The following TMTC2 variants were observed in gnomAD, a reference collection of about 807,000 sequenced individuals.
TMTC2 encodes protein O-mannosyl-transferase TMTC2.
A neutral mutation model predicts 82.4 loss-of-function variants in TMTC2; 43 were observed. That is an observed-to-expected ratio of 0.52 (90% CI 0.41 to 0.67). The LOEUF (loss-of-function observed/expected upper bound fraction) is 0.67, where lower values mean the gene tolerates loss of function less well. TMTC2 is among the 30% of genes least tolerant of loss of function. The probability of loss-of-function intolerance (pLI) is 0.00; values close to 1 mark genes in which losing one functional copy is unlikely to be tolerated. For synonymous variants in TMTC2, 408 were observed against 381.9 expected, an observed-to-expected ratio of 1.07 and a Z score of -0.80; for missense variants, 919 against 1,012.4, an observed-to-expected ratio of 0.91 and a Z score of 1.25.
intron 11 of TMTC2, among the ~76,000 whole-genome samples, chr12:83,100,667 G>A (rs10506890): frequency 0.26 from 39,702 of 151,644 alleles, 6,496 homozygotes; most frequent in South Asian, 0.38. Flanking sequence ...TCTGATCAAC[G>A]TAAAATTAGG....
intron 1 of TMTC2, among the ~76,000 whole-genome samples, chr12:82,789,884 C>G (rs1042627121): frequency 2.0e-5 from 3 of 152,112 alleles, no homozygotes; most frequent in African/African-American, 7.2e-5. Context: ...TTAATGTTAT[C>G]TTTCATTTTA....
intron 1 of TMTC2, among the ~76,000 whole-genome samples, chr12:82,796,964 A>T (rs1234497275): frequency 6.6e-6 from 1 of 152,194 alleles, no homozygotes; most frequent in African/African-American, 2.4e-5. Context: ...AGCTCAAAAT[A>T]AAAGTTGGCT....
Position 83,121,412 on chromosome 12 carries a change from T to C in TMTC2, c.2332-10798T>C, listed in dbSNP as rs576038866. 1.1e-3 allele frequency among the ~76,000 whole-genome samples: 166 copies of C among 152,224 alleles called. 1 individual carries two copies. The highest frequency in any genetic ancestry group is 1.8e-3 in the Non-Finnish European group (121 of 68,004). On this transcript the variant is annotated intron_variant, in intron 11 of 11. Transcript: ENST00000321196. ...CTTCCTGTGAGCCAAGCTGTAGTGATTGTTACCTCTTTTCTGGATCTAGCC... is the reference window on the plus strand; with the variant it reads ...CTTCCTGTGAGCCAAGCTGTAGTGACTGTTACCTCTTTTCTGGATCTAGCC...
chr12:83,002,083 T>C (rs1879953064), intron 8 of TMTC2, among the ~76,000 whole-genome samples: 1 of 152,178 alleles, frequency 6.6e-6, no homozygotes, highest in Admixed American at 6.5e-5. Context: ...TCCAACAGAA[T>C]TGTCTGTGAA....
intron 4 of TMTC2, among the ~76,000 whole-genome samples, chr12:82,934,899 T>TA (rs1349706684): frequency 6.6e-6 from 1 of 152,210 alleles, no homozygotes; most frequent in Non-Finnish European, 1.5e-5. Flanking sequence ...CCTGACTTTT[T>TA]AATGATCGTC....
In TMTC2 at chr12:82,896,419, T is replaced by C. The variant is rs771410928; in HGVS notation, c.1256T>C (p.Ile419Thr). Residue 419 changes from isoleucine (I) to threonine (T), a missense_variant, in exon 3 of 12, where the codon ATT (isoleucine) becomes ACT (threonine). By Grantham distance (89) the Ile-to-Thr change is moderately conservative (BLOSUM62 -1). Coordinates refer to ENST00000321196, the MANE Select transcript of TMTC2 (RefSeq NM_152588.3). ...TNLFFYVGFV[I>T]AERVLYIPSM... is the part of the protein sequence containing the mutation. Reference sequence around the variant, plus strand: ...CTGTTTTTCTATGTCGGCTTTGTAATTGCAGAGCGAGTATTATATATTCCT... The same window carrying C: ...CTGTTTTTCTATGTCGGCTTTGTAACTGCAGAGCGAGTATTATATATTCCT... The C allele has an allele frequency of 3.7e-6, 6 of 1,614,094 alleles. No individual in the cohort carries two copies. In the Admixed American group the frequency reaches 6.7e-5, roughly 18 times the overall value.
rs1885339398 is a variant in TMTC2, at chr12:83,133,702, T to C, written c.*1313T>C. 1 of 152,224 alleles carries C rather than the reference T, an allele frequency of 6.6e-6. No individual in the cohort carries two copies. The highest frequency in any genetic ancestry group is 6.5e-5 in the Admixed American group (1 of 15,268). 9.4% of individuals were successfully genotyped at this position (152,224 alleles called of 1,614,324 possible). A position where few individuals can be genotyped will look rare whatever the true frequency, so the allele number is the denominator to read the frequency against. On this transcript the variant is annotated 3_prime_UTR_variant, in exon 12 of 12. Transcript: ENST00000321196. ...TATAAATTAAGTAGAGAACAACATT[T>C]TTATTGAACATTTTTGGCTTGCAAT...
chr12:83,114,865 G>A (rs554861480), intron 11 of TMTC2, among the ~76,000 whole-genome samples: 1 of 151,264 alleles, frequency 6.6e-6, no homozygotes, highest in Non-Finnish European at 1.5e-5. Context: ...TGATATATGT[G>A]TGTATATATG....
chr12:82,822,022 T>C (rs1260933051), intron 1 of TMTC2, among the ~76,000 whole-genome samples: 1 of 151,988 alleles, frequency 6.6e-6, no homozygotes, highest in Non-Finnish European at 1.5e-5. Context: ...TGAGAAGACA[T>C]GGAGGAACCT....
At chr12:83,101,623 G>A (rs1884218878) in intron 11 of TMTC2, among the ~76,000 whole-genome samples, 1 of 152,172 alleles carries the variant, frequency 6.6e-6, no homozygotes, top group Admixed American at 6.5e-5. Flanking sequence ...GAATCATAGA[G>A]TGGAAAGGGA....
chr12:82,687,747 C>A, intron 1 of TMTC2, 78 bp downstream of exon 1: 1 of 1,393,146 alleles, frequency 7.2e-7, no homozygotes, highest in South Asian at 1.2e-5. Context: ...CTCTTTAAGG[C>A]TCAAAGTGCG....
chr12:83,115,682 G>A (rs956033485), intron 11 of TMTC2, among the ~76,000 whole-genome samples: 4 of 151,830 alleles, frequency 2.6e-5, no homozygotes, highest in African/African-American at 7.3e-5. Context: ...ATTGGGGAAC[G>A]GGTGGTGTTT....
rs762061799 is a variant in TMTC2, at chr12:82,857,342, G to C, written c.416G>C (p.Arg139Pro). The change falls in exon 2 of 12, where the codon CGA becomes CCA. Residue 139 changes from arginine (R) to proline (P), a missense_variant. Transcript: ENST00000321196. Reference sequence around the variant, plus strand: ...GAGGCAGTGGCAGGAATCGTGGGACGAGCCGATGTCGGGGCCAGTCTCTTC... The same window carrying C: ...GAGGCAGTGGCAGGAATCGTGGGACCAGCCGATGTCGGGGCCAGTCTCTTC... Reference protein sequence around the residue: ...HTEAVAGIVGRADVGASLFFL... With the variant: ...HTEAVAGIVGPADVGASLFFL... 2 of 1,614,154 alleles carry C rather than the reference G, an allele frequency of 1.2e-6. No homozygotes were observed. Among genetic ancestry groups the C allele is most frequent in the Non-Finnish European group, 1.7e-6 (2 of 1,180,034 alleles).
chr12:83,110,540 G>GTAAGTA (rs1306448034), intron 11 of TMTC2, among the ~76,000 whole-genome samples: 1 of 151,996 alleles, frequency 6.6e-6, no homozygotes, highest in Admixed American at 6.6e-5. Context: ...AAAGTTACTA[G>GTAAGTA]ACTTTGACTA....
intron 2 of TMTC2, among the ~76,000 whole-genome samples, chr12:82,894,414 A>G (rs996069691): frequency 1.3e-5 from 2 of 152,220 alleles, no homozygotes; most frequent in African/African-American, 2.4e-5. Context: ...TATACAATAC[A>G]TAGACATTGT....
chr12:82,770,281 A>G (rs1877217292), intron 1 of TMTC2, among the ~76,000 whole-genome samples: 1 of 152,178 alleles, frequency 6.6e-6, no homozygotes, highest in South Asian at 2.1e-4. Flanking sequence ...TATGCATTTG[A>G]TGATTCAATT....
chr12:82,964,856 C>T (rs536752599), intron 4 of TMTC2, among the ~76,000 whole-genome samples, 168 bp from the exon 5 acceptor site: 1 of 152,182 alleles, frequency 6.6e-6, no homozygotes, highest in Non-Finnish European at 1.5e-5. Flanking sequence ...CCAGTATTTT[C>T]CCTCCTGAGG....
chr12:82,694,674 GC>G (rs2136888456), intron 1 of TMTC2, among the ~76,000 whole-genome samples: 1 of 152,146 alleles, frequency 6.6e-6, no homozygotes, highest in East Asian at 1.9e-4. Flanking sequence ...GCAGCTGTGT[GC>G]TAGGTATTAT....
chr12:82,743,219 G>A (rs1336038311), intron 1 of TMTC2, among the ~76,000 whole-genome samples: 1 of 152,136 alleles, frequency 6.6e-6, no homozygotes, highest in East Asian at 1.9e-4. Flanking sequence ...GAGGTGGGTG[G>A]ATCACGAGGT....
Sources: gnomAD v4.1 joint callset for allele counts (sites outside exome capture counted in the v4.1 genomes callset) on GRCh38, gnomAD v4.1.1 for gene constraint, MANE v1.5 for transcripts, NCBI Gene and HGNC (gene_info 2026-07-23, HGNC 2026-07-21) for gene names.